Variants in ROBO1 observed in about 807,000 individuals in gnomAD.
ROBO1 encodes roundabout homolog 1.
ROBO1 carries 149 observed loss-of-function variants against 195.9 expected under a neutral mutation model. The ratio of observed to expected loss-of-function variants is 0.76; its 90% confidence interval spans 0.67 to 0.87. The LOEUF (loss-of-function observed/expected upper bound fraction) is 0.87. ROBO1 is among the 40% of genes least tolerant of loss of function. ROBO1 has a pLI of 0.00. For missense variants in ROBO1, 1,933 were observed against 2,068.3 expected (o/e 0.93, Z 1.27); for synonymous variants, 816 against 733.2 (o/e 1.11, Z -1.82).
Position 79,454,417 on chromosome 3 carries a change from A to G in ROBO1, c.88+135407T>C, listed in dbSNP as rs561935018. ...ACGTGGGACACCTACTACACTTGAC[A>G]TGAGCATTGACTTACAGACGTAAAC... On this transcript the variant is annotated intron_variant, in intron 2 of 30. Transcript: ENST00000464233. Among the ~76,000 whole-genome samples, 13 of 152,238 alleles carry G rather than the reference A, an allele frequency of 8.5e-5. No individual in the cohort carries two copies. In the South Asian group the frequency reaches 2.5e-3, roughly 29 times the overall value.
intron 4 of ROBO1, among the ~76,000 whole-genome samples, chr3:78,862,631 G>C (rs1162803156): frequency 6.6e-6 from 1 of 152,206 alleles, no homozygotes; most frequent in African/African-American, 2.4e-5. Context: ...GAGTGTATTA[G>C]AGTACCATAG....
intron 2 of ROBO1, among the ~76,000 whole-genome samples, chr3:79,142,721 C>A (rs2080553269): frequency 6.6e-6 from 1 of 152,000 alleles, no homozygotes; most frequent in Non-Finnish European, 1.5e-5. Context: ...TTCCATTGGC[C>A]TTTGGTTACC....
chr3:79,152,736 G>T lies in ROBO1; in HGVS notation c.89-27197C>A, dbSNP rs528830794. On this transcript the variant is annotated intron_variant, in intron 2 of 30. Coordinates refer to ENST00000464233, the MANE Select transcript of ROBO1 (RefSeq NM_002941.4). The stretch of plus-strand genomic sequence containing the variant: ...CAGAAAAACAGAATAATTGCAGATT[G>T]GGCCAGAAACAAACAAGACACACAA... Among the ~76,000 whole-genome samples, 9 of 151,802 alleles carry T rather than the reference G, an allele frequency of 5.9e-5. No homozygotes were observed. In the East Asian group the frequency reaches 1.6e-3, roughly 26 times the overall value.
intron 1 of ROBO1, among the ~76,000 whole-genome samples, chr3:79,653,542 G>A (rs1034056755): frequency 2.0e-5 from 3 of 151,980 alleles, no homozygotes; most frequent in African/African-American, 7.2e-5. Flanking sequence ...CCATATGAAA[G>A]AAATATTTTT....
chr3:79,357,292 C>T (rs1303032256), intron 2 of ROBO1, among the ~76,000 whole-genome samples: 5 of 152,072 alleles, frequency 3.3e-5, no homozygotes, highest in African/African-American at 1.2e-4. Context: ...TTTGAGAGCC[C>T]ACCCTGTTTG....
intron 1 of ROBO1, among the ~76,000 whole-genome samples, chr3:79,735,436 A>G (rs1703337414): frequency 6.6e-6 from 1 of 152,198 alleles, no homozygotes; most frequent in Non-Finnish European, 1.5e-5. Flanking sequence ...TCAAATCTGA[A>G]AGATATGGGT....
chr3:79,595,124 T>C (rs1003582139), intron 1 of ROBO1, among the ~76,000 whole-genome samples: 1 of 151,898 alleles, frequency 6.6e-6, no homozygotes, highest in African/African-American at 2.4e-5. Context: ...TATATGCACA[T>C]ATGCACACAT....
intron 1 of ROBO1, among the ~76,000 whole-genome samples, chr3:79,700,309 G>GTGTT (rs1947580465): frequency 2.3e-5 from 2 of 88,442 alleles, no homozygotes; most frequent in Non-Finnish European, 4.6e-5. Flanking sequence ...GTGTTTGTGT[G>GTGTT]TGTGTGTTTG....
At chr3:79,100,803 G>T (rs2079661695) in intron 3 of ROBO1, among the ~76,000 whole-genome samples, 1 of 151,752 alleles carries the variant, frequency 6.6e-6, no homozygotes, top group African/African-American at 2.4e-5. Flanking sequence ...TTGAAGGGAA[G>T]ACTTCAAGAT....
At chr3:78,955,564 G>A (rs868868413) in intron 3 of ROBO1, among the ~76,000 whole-genome samples, 5 of 152,054 alleles carry the variant, frequency 3.3e-5, no homozygotes, top group Non-Finnish European at 5.9e-5. Context: ...AGTTACATCA[G>A]ATTTTCATGG....
chr3:78,819,267 TTTC>T (rs143188315), intron 4 of ROBO1, among the ~76,000 whole-genome samples: 4,602 of 152,202 alleles, frequency 0.03, 182 homozygotes, highest in African/African-American at 0.095. Flanking sequence ...TTTAGTGCTT[TTTC>T]TTTATGATTA....
In ROBO1 at chr3:79,557,743, A is replaced by AAT. The variant is rs1304293113; in HGVS notation, c.88+32079_88+32080dup. On this transcript the variant is annotated intron_variant, in intron 2 of 30. Transcript: ENST00000464233. ...GCGAGACTGTCTTAAAACAAAAAAA[A>AAT]ATATATATATATATATATATATTTT... is the stretch of plus-strand genomic sequence containing the variant. Among the ~76,000 whole-genome samples the AAT allele has an allele frequency of 8.0e-3, 1,048 of 130,764 alleles. 24 individuals are homozygous for AAT. Among genetic ancestry groups the AAT allele is most frequent in the South Asian group, 0.026 (109 of 4,130 alleles). The allele number at this position is 130,764 out of a possible 152,430, so 85.8% of individuals were successfully genotyped here. A position where few individuals can be genotyped will look rare whatever the true frequency, so the allele number is the denominator to read the frequency against.
chr3:79,698,857 A>C (rs774334619), intron 1 of ROBO1, among the ~76,000 whole-genome samples: 1 of 151,574 alleles, frequency 6.6e-6, no homozygotes, highest in Non-Finnish European at 1.5e-5. Flanking sequence ...AGAATAAATC[A>C]AGAAATCCAC....
intron 2 of ROBO1, among the ~76,000 whole-genome samples, chr3:79,523,311 C>G (rs1457474548): frequency 1.3e-5 from 2 of 151,884 alleles, no homozygotes; most frequent in East Asian, 3.9e-4. Flanking sequence ...ATTGGCTAGA[C>G]TTAATCATTC....
In ROBO1 at chr3:79,417,987, T is replaced by A. The variant is rs759560834; in HGVS notation, c.88+171837A>T. ...CATCACTATCTCACACAAAATGGCC[T>A]CTTCATAAGATAGATAGCCCTATGA... On this transcript the variant is annotated intron_variant, in intron 2 of 30. Coordinates refer to ENST00000464233, the MANE Select transcript of ROBO1 (RefSeq NM_002941.4). Among the ~76,000 whole-genome samples, 131 of 152,252 alleles carry A rather than the reference T, an allele frequency of 8.6e-4. 1 individual carries two copies. Among genetic ancestry groups the A allele is most frequent in the Middle Eastern group, 6.8e-3 (2 of 294 alleles).
At chr3:79,275,157 A>G (rs994062612) in intron 2 of ROBO1, among the ~76,000 whole-genome samples, 1 of 152,094 alleles carries the variant, frequency 6.6e-6, no homozygotes. Flanking sequence ...CTAATGCCAA[A>G]ACCAGACAAA....
intron 3 of ROBO1, among the ~76,000 whole-genome samples, chr3:78,949,708 A>G (rs2040664732): frequency 6.6e-6 from 1 of 152,184 alleles, no homozygotes; most frequent in Non-Finnish European, 1.5e-5. Context: ...GGAAACTACC[A>G]TCAGAGTGAA....
chr3:79,747,466 G>A (rs1703927306), intron 1 of ROBO1, among the ~76,000 whole-genome samples: 1 of 151,998 alleles, frequency 6.6e-6, no homozygotes. Flanking sequence ...CTAAGAAAAA[G>A]TAAAATTTTA....
intron 5 of ROBO1, among the ~76,000 whole-genome samples, chr3:78,718,674 C>T: frequency 6.6e-6 from 1 of 151,868 alleles, no homozygotes; most frequent in East Asian, 1.9e-4. Context: ...TTCAATTACC[C>T]ATGAATATCT....
Sources: allele counts gnomAD v4.1 joint callset (sites outside exome capture counted in the v4.1 genomes callset), GRCh38; gene constraint gnomAD v4.1.1; transcripts MANE v1.5; gene names NCBI Gene and HGNC (gene_info 2026-07-23, HGNC 2026-07-21).